Variants in LLGL2 observed in about 807,000 individuals in gnomAD.
LLGL2 encodes LLGL2, scribble cell polarity complex component.
In LLGL2, 81 loss-of-function variants were observed where a neutral mutation model predicts 123.2. The ratio of observed to expected loss-of-function variants is 0.66; its 90% CI spans 0.55 to 0.79. The LOEUF (loss-of-function observed/expected upper bound fraction) is 0.79. Ranked by LOEUF, LLGL2 falls within the 30% of genes least tolerant of loss-of-function variation. The pLI is 0.00. For missense variants in LLGL2, 1,273 were observed against 1,414.6 expected (o/e 0.90, Z 1.61); for synonymous variants, 577 against 594.1 (o/e 0.97, Z 0.42).
chr17:75,527,167 CA>C (rs200100321), intron 1 of LLGL2, among the ~76,000 whole-genome samples: 26,031 of 129,568 alleles, frequency 0.2, 2,565 homozygotes, highest in African/African-American at 0.3. Flanking sequence ...GACCCTGTCT[CA>C]AAAAAAAAAA....
In LLGL2 at chr17:75,559,321, C is replaced by T. The variant is rs970321253; in HGVS notation, c.441C>T (p.Gly147=). 7 of 1,613,598 alleles carry T rather than the reference C, an allele frequency of 4.3e-6. No homozygotes were observed. The highest frequency in any genetic ancestry group is 5.9e-6 in the Non-Finnish European group (7 of 1,179,958). Reference sequence around the variant, plus strand: ...CCTCCTGCGAGCTGCTCTACCTGGGCACCGAGAGTGGCAACGTGTTTGTGG... The same window carrying T: ...CCTCCTGCGAGCTGCTCTACCTGGGTACCGAGAGTGGCAACGTGTTTGTGG... ...PHSSCELLYL[G]TESGNVFVVQ... Residue 147 remains glycine, a synonymous_variant, in exon 6 of 26, where the codon GGC becomes GGT. Coordinates refer to ENST00000392550, the MANE Select transcript of LLGL2 (RefSeq NM_001031803.2). This position sits in a 1 kb window ranked among gnomAD's most constrained non-coding sequence, Gnocchi z 4.6.
intron 1 of LLGL2, among the ~76,000 whole-genome samples, chr17:75,542,109 G>A (rs1039862286): frequency 6.6e-6 from 1 of 151,912 alleles, no homozygotes; most frequent in Non-Finnish European, 1.5e-5. Context: ...ACTCTGCCAC[G>A]CACGTTACCT....
chr17:75,537,800 G>C (rs1026254337), intron 1 of LLGL2, among the ~76,000 whole-genome samples: 2 of 150,394 alleles, frequency 1.3e-5, no homozygotes, highest in Non-Finnish European at 3.0e-5. Context: ...AGGCTTTTTG[G>C]AAGGTGACCT....
chr17:75,534,942 C>T (rs1319392606), intron 1 of LLGL2, among the ~76,000 whole-genome samples: 3 of 152,216 alleles, frequency 2.0e-5, no homozygotes, highest in South Asian at 4.1e-4. Flanking sequence ...ACAGCGGGGA[C>T]GACAGTCCTC....
Position 75,525,836 on chromosome 17 carries a change from TGCCGGACTCGCCCA to T in LLGL2, c.-31+17_-31+30del, listed in dbSNP as rs1237580910. 1.3e-5 allele frequency: 2 copies of T among 151,002 alleles called. No individual in the cohort carries two copies. The highest frequency in any genetic ancestry group is 4.9e-5 in the African/African-American group (2 of 41,122). The allele number at this position is 151,002 out of a possible 1,614,324, so 9.4% of individuals were successfully genotyped here. Reference sequence around the variant, plus strand: ...GGCCCGGGGTTCCAGGTGAGATGCGTGCCGGACTCGCCCAGCCGGGCCCGCCCCCTCGGGGCTTC... The same window carrying T: ...GGCCCGGGGTTCCAGGTGAGATGCGTGCCGGGCCCGCCCCCTCGGGGCTTC... On this transcript the variant is annotated intron_variant, in intron 1 of 25. Transcript: ENST00000392550. The surrounding 1 kb of genome is among the most constrained non-coding windows in gnomAD (Gnocchi z 4.8).
At chr17:75,538,473 C>G (rs2054088608) in intron 1 of LLGL2, 1 of 152,190 alleles carries the variant, frequency 6.6e-6, no homozygotes, top group African/African-American at 2.4e-5. Context: ...CTGGCCCCTT[C>G]CCACCAGTCA....
At chr17:75,538,815 G>A (rs1307446297) in intron 1 of LLGL2, among the ~76,000 whole-genome samples, 1 of 152,170 alleles carries the variant, frequency 6.6e-6, no homozygotes, top group Non-Finnish European at 1.5e-5. Flanking sequence ...GAACGCACAG[G>A]CTCTGACAAG....
intron 10 of LLGL2, chr17:75,568,003 C>A: frequency 1.1e-6 from 1 of 930,382 alleles, no homozygotes; most frequent in Non-Finnish European, 1.3e-6. Flanking sequence ...ATTTATTGAG[C>A]ACTAGCTGGG....
rs1568068971 is a variant in LLGL2 at position 75,568,660 on chromosome 17, CG to C, written c.1223del (p.Gly408AlafsTer21). ...LKLWERIIAA[G>X]SRQNAHFSTM... is the part of the protein sequence containing the mutation. ...AGCTGTGGGAGCGGATCATTGCCGC[CG>C]GCAGCCGGCAGAACGCACACTTCTC... On this transcript the variant is annotated frameshift_variant, in exon 11 of 26. Transcript: ENST00000392550. LOFTEE classifies it high-confidence loss of function. 3 of 1,613,906 alleles carry C rather than the reference CG, an allele frequency of 1.9e-6. No homozygotes were observed. Among genetic ancestry groups the C allele is most frequent in the Non-Finnish European group, 2.5e-6 (3 of 1,180,048 alleles).
chr17:75,552,861 G>A (rs1441531931), intron 2 of LLGL2, among the ~76,000 whole-genome samples: 2 of 152,208 alleles, frequency 1.3e-5, no homozygotes, highest in Non-Finnish European at 2.9e-5. Context: ...CATGGCTACC[G>A]TTCTGGGCAG....
chr17:75,566,312 G>T (rs758955076), intron 10 of LLGL2, among the ~76,000 whole-genome samples: 1 of 152,228 alleles, frequency 6.6e-6, no homozygotes, highest in Non-Finnish European at 1.5e-5. Flanking sequence ...GCTCCAGAAG[G>T]ATCTGTCTGG....
intron 6 of LLGL2, chr17:75,562,715 T>C (rs1046267767): frequency 8.1e-6 from 3 of 371,080 alleles, no homozygotes; most frequent in Admixed American, 7.5e-5. Context: ...GTTATAGCCA[T>C]GTGCCACCAC....
intron 3 of LLGL2, among the ~76,000 whole-genome samples, chr17:75,557,489 C>T (rs1385280677): frequency 6.6e-6 from 1 of 152,224 alleles, no homozygotes; most frequent in African/African-American, 2.4e-5. Flanking sequence ...TTGGGCACCC[C>T]GCCAGTCTGA....
intron 1 of LLGL2, among the ~76,000 whole-genome samples, chr17:75,542,032 T>G (rs1428910194): frequency 6.6e-6 from 1 of 151,908 alleles, no homozygotes; most frequent in African/African-American, 2.4e-5. Flanking sequence ...TACAGTGCGA[T>G]TTTGTAAAAT....
intron 20 of LLGL2, 32 bp downstream of exon 20, chr17:75,573,310 C>T: frequency 1.9e-6 from 3 of 1,577,252 alleles, no homozygotes; most frequent in South Asian, 2.3e-5. Flanking sequence ...GGTGTCGGGG[C>T]CCCGGGCACT....
intron 17 of LLGL2, 47 bp from the exon 18 acceptor site, chr17:75,571,620 C>T (rs953134055): frequency 1.2e-5 from 18 of 1,440,982 alleles, no homozygotes; most frequent in South Asian, 3.5e-5. Flanking sequence ...CAGCTCCACC[C>T]GACTCCCACG....
At chr17:75,548,910 C>T (rs900433628) in intron 2 of LLGL2, among the ~76,000 whole-genome samples, 1 of 152,158 alleles carries the variant, frequency 6.6e-6, no homozygotes, top group African/African-American at 2.4e-5. Flanking sequence ...CACAGGTCGA[C>T]GCCTTACCAG....
chr17:75,539,052 C>T (rs1027898414), intron 1 of LLGL2, among the ~76,000 whole-genome samples: 1 of 152,022 alleles, frequency 6.6e-6, no homozygotes, highest in African/African-American at 2.4e-5. Flanking sequence ...GACACCATGC[C>T]TGGCTAATCC....
intron 2 of LLGL2, among the ~76,000 whole-genome samples, chr17:75,553,396 AC>A (rs922602402): frequency 1.8e-4 from 28 of 152,248 alleles, no homozygotes; most frequent in African/African-American, 6.7e-4. Context: ...TCCCTGCCTG[AC>A]CCCAGCATGG....
Sources: allele counts gnomAD v4.1 joint callset (sites outside exome capture counted in the v4.1 genomes callset), GRCh38; gene constraint gnomAD v4.1.1; non-coding constraint Gnocchi (gnomAD v3.1); transcripts MANE v1.5; gene names NCBI Gene and HGNC (gene_info 2026-07-23, HGNC 2026-07-21).